The following STPG2 variants were observed in gnomAD, a reference collection of about 807,000 sequenced individuals.
STPG2 encodes the protein sperm tail PG-rich repeat containing 2, also known as sperm-tail PG-rich repeat-containing protein 2.
In STPG2, 56 loss-of-function variants were observed where a neutral mutation model predicts 54.2. The observed-to-expected ratio is 1.03, with a 90% CI of 0.83 to 1.29. STPG2 has a LOEUF of 1.29. Ranked by LOEUF, STPG2 falls within the 50% of genes most tolerant of loss-of-function variation. STPG2 has a pLI of 0.00. For missense variants in STPG2, 596 were observed against 544.9 expected, an observed-to-expected ratio of 1.09 and a Z score of -0.93; for synonymous variants, 200 against 181.8, an observed-to-expected ratio of 1.10 and a Z score of -0.81.
intron 7 of STPG2, among the ~76,000 whole-genome samples, chr4:97,957,951 T>A (rs995052392): frequency 6.6e-6 from 1 of 151,966 alleles, no homozygotes. Flanking sequence ...CAGAAGCACA[T>A]CAAAACAGAA....
chr4:97,543,098 A>G (rs937496974), intron 4 of STPG2, among the ~76,000 whole-genome samples: 5 of 151,936 alleles, frequency 3.3e-5, no homozygotes, highest in African/African-American at 7.3e-5. Context: ...CATTGTGCAC[A>G]TGTACCCTAG....
intron 9 of STPG2, among the ~76,000 whole-genome samples, chr4:97,757,018 G>C (rs1039016932): frequency 1.3e-5 from 2 of 152,158 alleles, no homozygotes; most frequent in East Asian, 3.9e-4. Context: ...ATGTGTAAGA[G>C]GCACTGTAAG....
intron 10 of STPG2, among the ~76,000 whole-genome samples, chr4:97,577,080 T>C (rs902987140): frequency 2.0e-5 from 3 of 151,768 alleles, no homozygotes; most frequent in African/African-American, 7.3e-5. Context: ...TACTAAAAAG[T>C]AAAAAAATAA....
intron 8 of STPG2, among the ~76,000 whole-genome samples, chr4:97,883,218 T>C (rs916123568): frequency 2.0e-5 from 3 of 151,352 alleles, no homozygotes; most frequent in African/African-American, 7.3e-5. Context: ...CACACATACA[T>C]ATATGTATAT....
intron 3 of STPG2, among the ~76,000 whole-genome samples, chr4:98,123,299 C>A (rs1317531202): frequency 6.6e-6 from 1 of 151,792 alleles, no homozygotes; most frequent in Non-Finnish European, 1.5e-5. Flanking sequence ...GATTTGAGAT[C>A]TTTCTAGCTT....
At chr4:97,664,826 C>A (rs754764664) in intron 10 of STPG2, among the ~76,000 whole-genome samples, 1 of 152,006 alleles carries the variant, frequency 6.6e-6, no homozygotes, top group South Asian at 2.1e-4. Context: ...TGGGCCCACT[C>A]GGCTGGGCAG....
chr4:97,819,768 T>A (rs1258401000), intron 9 of STPG2, among the ~76,000 whole-genome samples: 1 of 152,086 alleles, frequency 6.6e-6, no homozygotes, highest in Non-Finnish European at 1.5e-5. Context: ...AATTTTATTG[T>A]TAAAACATTT....
chr4:97,819,978 T>C (rs1234109825), intron 9 of STPG2, among the ~76,000 whole-genome samples: 1 of 152,152 alleles, frequency 6.6e-6, no homozygotes, highest in Non-Finnish European at 1.5e-5. Flanking sequence ...TTTTTTGTTT[T>C]TTTTTAAATT....
At chr4:97,920,220 T>A (rs919835624) in intron 8 of STPG2, among the ~76,000 whole-genome samples, 2 of 152,182 alleles carry the variant, frequency 1.3e-5, no homozygotes, top group Non-Finnish European at 2.9e-5. Flanking sequence ...CCAGAACTCA[T>A]AAGTCCAGCA....
intron 10 of STPG2, among the ~76,000 whole-genome samples, chr4:97,624,352 A>G (rs1302567974): frequency 2.6e-5 from 4 of 151,824 alleles, no homozygotes; most frequent in African/African-American, 9.7e-5. Context: ...TGTGGTTTTT[A>G]TTTGCATTTC....
intron 7 of STPG2, among the ~76,000 whole-genome samples, chr4:97,971,808 A>T (rs974639067): frequency 3.3e-5 from 5 of 152,124 alleles, no homozygotes. Context: ...GAAAAAAAAT[A>T]AACAAAATAA....
At chr4:98,049,712 CTA>C (rs1487710778) in intron 5 of STPG2, among the ~76,000 whole-genome samples, 1 of 151,882 alleles carries the variant, frequency 6.6e-6, no homozygotes, top group Non-Finnish European at 1.5e-5. Flanking sequence ...ACTAATAAGA[CTA>C]AAATTTATAG....
intron 8 of STPG2, among the ~76,000 whole-genome samples, chr4:97,906,285 C>T (rs1021528897): frequency 3.9e-5 from 6 of 152,098 alleles, no homozygotes; most frequent in Admixed American, 1.3e-4. Context: ...ATAAATTCCT[C>T]GAAACATACA....
intron 9 of STPG2, among the ~76,000 whole-genome samples, chr4:97,757,799 T>C (rs1725776933): frequency 6.6e-6 from 1 of 152,176 alleles, no homozygotes; most frequent in African/African-American, 2.4e-5. Flanking sequence ...AGATAGACAA[T>C]AGCTTGAATA....
intron 8 of STPG2, among the ~76,000 whole-genome samples, chr4:97,880,812 C>T (rs565515354): frequency 2.8e-4 from 42 of 152,088 alleles, no homozygotes; most frequent in Admixed American, 7.2e-4. Context: ...ATATATCACA[C>T]ACTTAGGAGT....
At chr4:97,999,180 A>G (rs1268573511) in intron 5 of STPG2, among the ~76,000 whole-genome samples, 1 of 152,224 alleles carries the variant, frequency 6.6e-6, no homozygotes, top group Non-Finnish European at 1.5e-5. Context: ...ATATTTACCA[A>G]GAACATAGTA....
At chr4:98,140,014 C>T (rs1239773230) in intron 1 of STPG2, among the ~76,000 whole-genome samples, 1 of 152,092 alleles carries the variant, frequency 6.6e-6, no homozygotes, top group Non-Finnish European at 1.5e-5. Flanking sequence ...ACATTAATTA[C>T]AATATAGAAT....
intron 5 of STPG2, among the ~76,000 whole-genome samples, chr4:98,099,160 C>T (rs1463179346): frequency 6.6e-6 from 1 of 152,158 alleles, no homozygotes; most frequent in Non-Finnish European, 1.5e-5. Flanking sequence ...GATATATGCA[C>T]TCCCATGTTT....
At chr4:97,965,939 A>G (rs1734080253) in intron 7 of STPG2, among the ~76,000 whole-genome samples, 1 of 152,212 alleles carries the variant, frequency 6.6e-6, no homozygotes, top group Non-Finnish European at 1.5e-5. Flanking sequence ...TGAAAATTCT[A>G]AAAACCAGAG....
Sources: gnomAD v4.1 joint callset for allele counts (sites outside exome capture counted in the v4.1 genomes callset) on GRCh38, gnomAD v4.1.1 for gene constraint, MANE v1.5 for transcripts, NCBI Gene and HGNC (gene_info 2026-07-23, HGNC 2026-07-21) for gene names.